HSPA4L: variants seen among roughly 807,000 people sequenced by gnomAD.
The protein encoded by HSPA4L is heat shock 70 kDa protein 4L.
Under a neutral mutation model 100.3 loss-of-function variants are expected in HSPA4L, and 48 were observed. The observed-to-expected ratio is 0.48, with a 90% CI of 0.38 to 0.61. The LOEUF is 0.61. Among genes scored for constraint, HSPA4L ranks in the 20% least tolerant of loss-of-function variants. The probability of loss-of-function intolerance (pLI) is 0.00; values close to 1 mark genes in which losing one functional copy is unlikely to be tolerated. For synonymous variants in HSPA4L, 319 were observed against 328.2 expected (o/e 0.97, Z 0.30); for missense variants, 886 against 988.6 (o/e 0.90, Z 1.39).
chr4:127,783,793 T>C, intron 1 of HSPA4L: 1 of 924,386 alleles, frequency 1.1e-6, no homozygotes, highest in South Asian at 1.7e-5. Flanking sequence ...TACTATTCTA[T>C]GGAAAGCTTT....
At chr4:127,817,652 CTTTGAGT>C (rs1049604146) in intron 12 of HSPA4L, among the ~76,000 whole-genome samples, 8 of 152,222 alleles carry the variant, frequency 5.3e-5, no homozygotes, top group South Asian at 4.1e-4. Flanking sequence ...GAAACACCCA[CTTTGAGT>C]TTTGATTAAT....
intron 12 of HSPA4L, among the ~76,000 whole-genome samples, chr4:127,813,643 T>G (rs1733600090): frequency 6.6e-6 from 1 of 152,176 alleles, no homozygotes; most frequent in African/African-American, 2.4e-5. Context: ...CATTTATCTA[T>G]TTTTTTGTTG....
rs2148803065 is a variant in HSPA4L, at chr4:127,833,511, A to C, written c.*637A>C. On this transcript the variant is annotated 3_prime_UTR_variant, in exon 19 of 19. Coordinates refer to ENST00000296464, the MANE Select transcript of HSPA4L (RefSeq NM_014278.4). ...CCAGCAGTTTGCTTCTTTTATTAGT[A>C]ATGTGGATTGATGTTTTCTCAGAGT... 6.6e-6 allele frequency: 1 copy of C among 152,308 alleles called. No homozygotes were observed. Among genetic ancestry groups the C allele is most frequent in the East Asian group, 1.9e-4 (1 of 5,192 alleles). The allele number at this position is 152,308 out of a possible 1,614,324, so 9.4% of individuals were successfully genotyped here.
chr4:127,830,759 A>G lies in HSPA4L; in HGVS notation c.2288A>G (p.Asp763Gly), dbSNP rs1158246635. ...CAGAACAAACTAAGTCTCACTCAAG[A>G]TCCTGTGGTAAAAGTTTCAGAAATA... is the stretch of plus-strand genomic sequence containing the variant. ...NAQNKLSLTQ[D>G]PVVKVSEIVA... The change falls in exon 18 of 19, where the codon GAT becomes GGT. Residue 763 changes from aspartate (D) to glycine (G), a missense_variant. Transcript: ENST00000296464. 1.3e-6 allele frequency: 2 copies of G among 1,599,128 alleles called. No individual in the cohort carries two copies. The highest frequency in any genetic ancestry group is 2.7e-5 in the African/African-American group (2 of 74,070).
chr4:127,820,680 AT>A (rs1733788536), intron 14 of HSPA4L, 115 bp downstream of exon 14: 2 of 873,992 alleles, frequency 2.3e-6, no homozygotes, highest in Non-Finnish European at 1.8e-6. Context: ...AAGGAATTAT[AT>A]TAAGTAGATT....
chr4:127,783,043 G>C (rs1054549383), intron 1 of HSPA4L, among the ~76,000 whole-genome samples: 1 of 152,142 alleles, frequency 6.6e-6, no homozygotes, highest in African/African-American at 2.4e-5. Context: ...AGGTTTACGT[G>C]GGATTATCGG....
intron 8 of HSPA4L, among the ~76,000 whole-genome samples, chr4:127,804,371 C>T (rs1290377510): frequency 2.0e-5 from 3 of 151,686 alleles, no homozygotes; most frequent in African/African-American, 4.9e-5. Flanking sequence ...TTTGGGAGGC[C>T]GAGGTGGGTG....
At chr4:127,810,589 C>A (rs1405648432) in intron 11 of HSPA4L, among the ~76,000 whole-genome samples, 1 of 152,126 alleles carries the variant, frequency 6.6e-6, no homozygotes, top group South Asian at 2.1e-4. Flanking sequence ...GAGACCTAAT[C>A]TGTACTAAAA....
chr4:127,830,743 CTAAG>C lies in HSPA4L; in HGVS notation c.2274_2277del (p.Thr761LysfsTer5). The C allele has an allele frequency of 6.2e-6, 10 of 1,606,076 alleles. No homozygotes were observed. The highest frequency in any genetic ancestry group is 8.5e-6 in the Non-Finnish European group (10 of 1,176,820). ...TAGTAAGATGAATGCACAGAACAAA[CTAAG>C]TCTCACTCAAGATCCTGTGGTAAAA... On this transcript the variant is annotated frameshift_variant, in exon 18 of 19. Transcript: ENST00000296464. LOFTEE classifies it high-confidence loss of function.
chr4:127,805,069 C>T lies in HSPA4L; in HGVS notation c.986-4C>T. The T allele has an allele frequency of 1.3e-6, 2 of 1,567,434 alleles. No homozygotes were observed. The highest frequency in any genetic ancestry group is 1.7e-6 in the Non-Finnish European group (2 of 1,158,334). ...CATTTTTCTCAATTAAAAAAATTTTCCAGACTTACAACGTGAAGACATTAG... is the reference window on the plus strand; with the variant it reads ...CATTTTTCTCAATTAAAAAAATTTTTCAGACTTACAACGTGAAGACATTAG... On this transcript the variant is annotated splice_polypyrimidine_tract_variant and splice_region_variant and intron_variant, in intron 8 of 18. Transcript: ENST00000296464.
intron 3 of HSPA4L, among the ~76,000 whole-genome samples, chr4:127,797,483 A>G (rs1031148956): frequency 6.6e-6 from 1 of 152,188 alleles, no homozygotes; most frequent in African/African-American, 2.4e-5. Context: ...GCTAGTAGAA[A>G]AAGCTTTGAA....
chr4:127,832,820 A>C lies in HSPA4L; in HGVS notation c.2466A>C (p.Ser822=). The part of the protein sequence containing the change: ...GQSGTETKSD[S]TKDSSQHTKS... ...GTGGAACTGAAACTAAATCAGATTCAACAAAAGACAGCTCACAGCATACTA... is the reference window on the plus strand; with the variant it reads ...GTGGAACTGAAACTAAATCAGATTCCACAAAAGACAGCTCACAGCATACTA... The change falls in exon 19 of 19, where the codon TCA becomes TCC. Residue 822 remains serine, a synonymous_variant. Transcript: ENST00000296464. 6.2e-7 allele frequency: 1 copy of C among 1,613,576 alleles called. No individual in the cohort carries two copies. Among genetic ancestry groups the C allele is most frequent in the African/African-American group, 1.3e-5 (1 of 75,050 alleles).
intron 1 of HSPA4L, among the ~76,000 whole-genome samples, chr4:127,786,999 T>G (rs1174618946): frequency 6.6e-6 from 1 of 152,214 alleles, no homozygotes; most frequent in Non-Finnish European, 1.5e-5. Flanking sequence ...ATGGATTTTC[T>G]TTAAATGAAA....
rs988575876 is a variant in HSPA4L, at chr4:127,840,043, C to G, written c.*7169C>G. ...ACCAGCCTGGCCAACATGGTGAAACCCCATCTCTACTAAAAAAAATACAAA... is the reference window on the plus strand; with the variant it reads ...ACCAGCCTGGCCAACATGGTGAAACGCCATCTCTACTAAAAAAAATACAAA... On this transcript the variant is annotated 3_prime_UTR_variant, in exon 19 of 19. Transcript: ENST00000296464. The G allele has an allele frequency of 2.0e-5, 3 of 151,924 alleles. No individual in the cohort carries two copies. The highest frequency in any genetic ancestry group is 4.4e-5 in the Non-Finnish European group (3 of 68,008). The allele number at this position is 151,924 out of a possible 1,614,324, so 9.4% of individuals were successfully genotyped here. A position where few individuals can be genotyped will look rare whatever the true frequency, so the allele number is the denominator to read the frequency against.
chr4:127,788,432 C>T (rs1732778472), intron 1 of HSPA4L, among the ~76,000 whole-genome samples: 1 of 152,130 alleles, frequency 6.6e-6, no homozygotes, highest in African/African-American at 2.4e-5. Flanking sequence ...CCTTCTAGGG[C>T]AACATTTTTT....
intron 1 of HSPA4L, among the ~76,000 whole-genome samples, chr4:127,787,553 A>G (rs1311449500): frequency 2.0e-5 from 3 of 152,204 alleles, no homozygotes; most frequent in Non-Finnish European, 4.4e-5. Context: ...GAATTACATT[A>G]CATTCTGCTT....
At chr4:127,790,120 A>T (rs1395425455) in intron 1 of HSPA4L, among the ~76,000 whole-genome samples, 1 of 152,224 alleles carries the variant, frequency 6.6e-6, no homozygotes, top group African/African-American at 2.4e-5. Context: ...TTGTGAAGCG[A>T]TACATGTATG....
chr4:127,805,066 T>G lies in HSPA4L; in HGVS notation c.986-7T>G. ...TATCATTTTTCTCAATTAAAAAAAT[T>G]TTCCAGACTTACAACGTGAAGACAT... On this transcript the variant is annotated splice_polypyrimidine_tract_variant and splice_region_variant and intron_variant, in intron 8 of 18. Transcript: ENST00000296464. The G allele has an allele frequency of 6.4e-7, 1 of 1,568,600 alleles. No individual in the cohort carries two copies. The highest frequency in any genetic ancestry group is 8.6e-7 in the Non-Finnish European group (1 of 1,158,606).
At chr4:127,826,054 G>T (rs187692495) in intron 16 of HSPA4L, among the ~76,000 whole-genome samples, 1 of 152,164 alleles carries the variant, frequency 6.6e-6, no homozygotes, top group Admixed American at 6.5e-5. Flanking sequence ...CCATAGAAAT[G>T]AATGTTAGAG....
Sources: gnomAD v4.1 joint callset for allele counts (sites outside exome capture counted in the v4.1 genomes callset) on GRCh38, gnomAD v4.1.1 for gene constraint, MANE v1.5 for transcripts, NCBI Gene and HGNC (gene_info 2026-07-23, HGNC 2026-07-21) for gene names.